HS3ST5: variants seen among roughly 807,000 people sequenced by gnomAD.
The protein encoded by HS3ST5 is heparan sulfate glucosamine 3-O-sulfotransferase 5.
HS3ST5 carries 10 observed loss-of-function variants against 25.4 expected under a neutral mutation model. That is an observed-to-expected ratio of 0.39 (90% CI 0.24 to 0.67). The LOEUF (loss-of-function observed/expected upper bound fraction) is 0.67. Ranked by LOEUF, HS3ST5 falls within the 30% of genes least tolerant of loss-of-function variation. The pLI is 0.44. For missense variants in HS3ST5, 324 were observed against 420.7 expected, an observed-to-expected ratio of 0.77 and a Z score of 2.01; for synonymous variants, 170 against 162.4, an observed-to-expected ratio of 1.05 and a Z score of -0.36.
intron 1 of HS3ST5, among the ~76,000 whole-genome samples, chr6:114,327,637 A>T (rs576633054): frequency 6.6e-6 from 1 of 152,026 alleles, no homozygotes; most frequent in East Asian, 1.9e-4. Flanking sequence ...CCCAACAAAC[A>T]TAAGGTCCAG....
chr6:114,242,252 G>T (rs1017728608), intron 1 of HS3ST5, among the ~76,000 whole-genome samples: 2 of 151,794 alleles, frequency 1.3e-5, no homozygotes, highest in Non-Finnish European at 2.9e-5. Flanking sequence ...ATAATATTTT[G>T]GATTTATTTA....
chr6:114,194,125 G>T (rs937361947), intron 2 of HS3ST5, among the ~76,000 whole-genome samples: 3 of 152,096 alleles, frequency 2.0e-5, no homozygotes, highest in African/African-American at 7.2e-5. Flanking sequence ...GTTATCATTC[G>T]TGCTGGAAAA....
At chr6:114,125,977 T>C (rs1026841889) in intron 3 of HS3ST5, among the ~76,000 whole-genome samples, 6 of 152,130 alleles carry the variant, frequency 3.9e-5, no homozygotes, top group African/African-American at 1.4e-4. Flanking sequence ...AAAATACCTA[T>C]AGGAGGCCAT....
At chr6:114,190,686 A>G (rs756206659) in intron 2 of HS3ST5, among the ~76,000 whole-genome samples, 2 of 152,194 alleles carry the variant, frequency 1.3e-5, no homozygotes, top group Non-Finnish European at 2.9e-5. Context: ...ATAAGTTTCA[A>G]CAATTAAGCA....
intron 3 of HS3ST5, among the ~76,000 whole-genome samples, chr6:114,092,651 CTTATTTAT>C (rs10691266): frequency 3.4e-5 from 5 of 146,646 alleles, no homozygotes; most frequent in South Asian, 2.2e-4. Flanking sequence ...AGATGTCAGG[CTTATTTAT>C]TTATTTATTT....
At chr6:114,223,089 A>T (rs922671191) in intron 2 of HS3ST5, among the ~76,000 whole-genome samples, 3 of 148,968 alleles carry the variant, frequency 2.0e-5, no homozygotes, top group Non-Finnish European at 4.5e-5. Context: ...GTTCGATTTA[A>T]TTTTTTTTTT....
At chr6:114,080,174 C>T (rs2114760057) in intron 3 of HS3ST5, among the ~76,000 whole-genome samples, 1 of 152,270 alleles carries the variant, frequency 6.6e-6, no homozygotes, top group South Asian at 2.1e-4. Flanking sequence ...ATGAAAGCAA[C>T]ATTAATCTCC....
At chr6:114,263,058 G>A (rs542494007) in intron 1 of HS3ST5, among the ~76,000 whole-genome samples, 1 of 152,016 alleles carries the variant, frequency 6.6e-6, no homozygotes, top group South Asian at 2.1e-4. Context: ...TTTCTTTTAA[G>A]TATTGCCAAT....
At chr6:114,253,281 T>A (rs1049192606) in intron 1 of HS3ST5, among the ~76,000 whole-genome samples, 4 of 152,224 alleles carry the variant, frequency 2.6e-5, no homozygotes, top group African/African-American at 7.2e-5. Context: ...CATAAAAATA[T>A]TAATAAGATA....
chr6:114,309,040 T>G (rs1340520761), intron 1 of HS3ST5, among the ~76,000 whole-genome samples: 1 of 152,176 alleles, frequency 6.6e-6, no homozygotes. Context: ...AACATCATAC[T>G]CATCTGGGAC....
chr6:114,341,222 G>GAGAGAGAGAGAGAGAGA (rs1776838943), intron 1 of HS3ST5, among the ~76,000 whole-genome samples: 12 of 46,632 alleles, frequency 2.6e-4, no homozygotes, highest in African/African-American at 1.2e-3. Context: ...GGAGAGAGGG[G>GAGAGAGAGAGAGAGAGA]GAGAGAGAGA....
chr6:114,309,028 T>C (rs1775420638), intron 1 of HS3ST5, among the ~76,000 whole-genome samples: 1 of 152,152 alleles, frequency 6.6e-6, no homozygotes, highest in Admixed American at 6.5e-5. Context: ...TAAACTGTAG[T>C]GAACATCATA....
chr6:114,277,689 A>C (rs1773921219), intron 1 of HS3ST5, among the ~76,000 whole-genome samples: 1 of 151,898 alleles, frequency 6.6e-6, no homozygotes. Context: ...CGATAAGGGA[A>C]TGTATTCTAA....
chr6:114,190,962 G>A (rs534581900), intron 2 of HS3ST5, among the ~76,000 whole-genome samples: 2 of 152,302 alleles, frequency 1.3e-5, no homozygotes, highest in East Asian at 1.9e-4. Context: ...TTATTGGGGG[G>A]TGAAGGTCAC....
intron 1 of HS3ST5, among the ~76,000 whole-genome samples, chr6:114,272,182 CTA>C (rs1461199182): frequency 2.0e-5 from 3 of 152,206 alleles, no homozygotes; most frequent in East Asian, 3.9e-4. Flanking sequence ...CCACATTTTC[CTA>C]TGTCTTTACA....
chr6:114,264,286 C>T (rs981360425), intron 1 of HS3ST5, among the ~76,000 whole-genome samples: 26 of 152,160 alleles, frequency 1.7e-4, no homozygotes, highest in African/African-American at 6.3e-4. Context: ...AACATGTCTG[C>T]ATAGCATGCA....
chr6:114,217,955 T>C (rs1781846751), intron 2 of HS3ST5, among the ~76,000 whole-genome samples: 2 of 152,224 alleles, frequency 1.3e-5, no homozygotes, highest in South Asian at 2.1e-4. Context: ...TACCATCTTG[T>C]ATGATTCTAA....
intron 1 of HS3ST5, among the ~76,000 whole-genome samples, chr6:114,238,038 A>G (rs1225328417): frequency 6.6e-6 from 1 of 152,272 alleles, no homozygotes; most frequent in Non-Finnish European, 1.5e-5. Flanking sequence ...TACTTTAAAC[A>G]TACAAAATAC....
At chr6:114,283,894 CAG>C (rs1039946919) in intron 1 of HS3ST5, among the ~76,000 whole-genome samples, 1 of 151,902 alleles carries the variant, frequency 6.6e-6, no homozygotes, top group African/African-American at 2.4e-5. Context: ...GCAGGAAATA[CAG>C]AGAGGAAGAA....
Sources: gnomAD v4.1 joint callset for allele counts (sites outside exome capture counted in the v4.1 genomes callset) on GRCh38, gnomAD v4.1.1 for gene constraint, MANE v1.5 for transcripts, NCBI Gene and HGNC (gene_info 2026-07-23, HGNC 2026-07-21) for gene names.